Variants in CD2AP observed in about 807,000 individuals in gnomAD.
The protein encoded by CD2AP is CD2 associated protein.
Under a neutral mutation model 85.1 loss-of-function variants are expected in CD2AP, and 46 were observed. That is an observed-to-expected ratio of 0.54 (90% CI 0.43 to 0.69). The LOEUF (loss-of-function observed/expected upper bound fraction) is 0.69, where lower values mean the gene tolerates loss of function less well. Ranked by LOEUF, CD2AP falls within the 30% of genes least tolerant of loss-of-function variation. The probability of loss-of-function intolerance (pLI) is 0.00; values close to 1 mark genes in which losing one functional copy is unlikely to be tolerated. For missense variants in CD2AP, 769 were observed against 729.5 expected (o/e 1.05, Z -0.62); for synonymous variants, 255 against 252.9 (o/e 1.01, Z -0.08).
At chr6:47,528,998 TGA>T (rs1169453665) in intron 2 of CD2AP, among the ~76,000 whole-genome samples, 1 of 152,224 alleles carries the variant, frequency 6.6e-6, no homozygotes, top group East Asian at 1.9e-4. Flanking sequence ...TGGCAACATC[TGA>T]GCAGTTGCCC....
At chr6:47,495,696 T>A (rs1251678651) in intron 1 of CD2AP, among the ~76,000 whole-genome samples, 1 of 152,204 alleles carries the variant, frequency 6.6e-6, no homozygotes, top group Non-Finnish European at 1.5e-5. Flanking sequence ...ATTAAATGAT[T>A]TTCAGTTGGT....
In CD2AP at chr6:47,478,941, C is replaced by G. The variant is rs558062876; in HGVS notation, c.4+693C>G. Among the ~76,000 whole-genome samples the G allele has an allele frequency of 6.6e-5, 10 of 152,140 alleles. No homozygotes were observed. In the South Asian group the frequency reaches 8.3e-4, roughly 13 times the overall value. ...GCCGGAGGAGAGAAAAATACAAGGC[C>G]TTATATGTTATTTACTATGTGCTTT... On this transcript the variant is annotated intron_variant, in intron 1 of 17. Coordinates refer to ENST00000359314, the MANE Select transcript of CD2AP (RefSeq NM_012120.3).
chr6:47,492,407 CA>C (rs1765759284), intron 1 of CD2AP, among the ~76,000 whole-genome samples: 3 of 132,040 alleles, frequency 2.3e-5, no homozygotes, highest in Non-Finnish European at 3.1e-5. Flanking sequence ...GGCTGGAGTG[CA>C]AATGTGTGAT....
chr6:47,504,687 G>GAGA (rs10676828), intron 2 of CD2AP, among the ~76,000 whole-genome samples: 40,776 of 151,886 alleles, frequency 0.27, 5,635 homozygotes, highest in African/African-American at 0.32. Context: ...GGGTACCTTG[G>GAGA]AGATACTGCA....
At chr6:47,579,531 A>G (rs370145728) in intron 9 of CD2AP, 42 bp downstream of exon 9, 7 of 1,250,466 alleles carry the variant, frequency 5.6e-6, no homozygotes, top group Non-Finnish European at 7.0e-6. Context: ...TTGAAAGAAC[A>G]TTTTGCCACT....
chr6:47,536,769 G>A (rs2114030993), intron 3 of CD2AP, among the ~76,000 whole-genome samples: 1 of 152,262 alleles, frequency 6.6e-6, no homozygotes, highest in Admixed American at 6.5e-5. Flanking sequence ...ATTTCTCAAA[G>A]CAAAAACAGG....
intron 17 of CD2AP, among the ~76,000 whole-genome samples, chr6:47,623,051 G>A (rs752753839): frequency 2.6e-5 from 4 of 152,130 alleles, no homozygotes; most frequent in East Asian, 1.9e-4. Context: ...GAAAGCTATC[G>A]TCTCAATCCA....
intron 17 of CD2AP, among the ~76,000 whole-genome samples, chr6:47,620,721 C>T (rs574481335): frequency 6.6e-6 from 1 of 152,248 alleles, no homozygotes; most frequent in South Asian, 2.1e-4. Context: ...TGATTTCTTT[C>T]AGCAGTGTTT....
chr6:47,613,170 G>A (rs1370132223), intron 17 of CD2AP, among the ~76,000 whole-genome samples: 1 of 152,126 alleles, frequency 6.6e-6, no homozygotes, highest in Non-Finnish European at 1.5e-5. Context: ...ATCCCTGGGA[G>A]TTGGAATCAT....
intron 2 of CD2AP, among the ~76,000 whole-genome samples, chr6:47,503,940 A>G (rs1766062995): frequency 6.6e-6 from 1 of 152,184 alleles, no homozygotes. Flanking sequence ...TTCTCATTAT[A>G]TTTTGTTGCT....
rs774798567 is a variant in CD2AP at position 47,574,179 on chromosome 6, T to C, written c.657T>C (p.Ile219=). 1.9e-6 allele frequency: 3 copies of C among 1,614,102 alleles called. No individual in the cohort carries two copies. The highest frequency in any genetic ancestry group is 1.7e-6 in the Non-Finnish European group (2 of 1,179,982). The part of the protein sequence containing the change: ...KKIRGIGFGD[I]FKEGSVKLRT... ...TTCGAGGAATTGGATTTGGAGACAT[T>C]TTTAAAGAAGGCTCTGTGAAACTTC... Residue 219 remains isoleucine (I), a synonymous_variant, in exon 6 of 18, where the codon ATT becomes ATC. Transcript: ENST00000359314.
intron 5 of CD2AP, among the ~76,000 whole-genome samples, chr6:47,568,962 G>T (rs530183155): frequency 8.5e-5 from 13 of 152,244 alleles, no homozygotes; most frequent in Middle Eastern, 3.4e-3. Flanking sequence ...CAAGGGAGGA[G>T]AGTTATTCAG....
chr6:47,521,556 A>G (rs1424823568), intron 2 of CD2AP, among the ~76,000 whole-genome samples: 1 of 152,170 alleles, frequency 6.6e-6, no homozygotes, highest in Non-Finnish European at 1.5e-5. Context: ...CGTCTCAAAA[A>G]AGAAATGGCA....
chr6:47,493,441 T>C (rs1022149937), intron 1 of CD2AP, among the ~76,000 whole-genome samples: 2 of 151,962 alleles, frequency 1.3e-5, no homozygotes, highest in African/African-American at 4.8e-5. Flanking sequence ...GTAATTCTTA[T>C]CCTTGTTCCT....
intron 2 of CD2AP, among the ~76,000 whole-genome samples, chr6:47,519,429 C>G (rs766787969): frequency 3.9e-5 from 6 of 152,196 alleles, no homozygotes; most frequent in Non-Finnish European, 8.8e-5. Flanking sequence ...GGCATTGTGA[C>G]AGGAGTACGG....
At chr6:47,545,268 G>C (rs1474949771) in intron 4 of CD2AP, 2 of 155,180 alleles carry the variant, frequency 1.3e-5, no homozygotes, top group African/African-American at 4.8e-5. Context: ...GGAAAGCCGA[G>C]AGAACCCACA....
At chr6:47,551,305 C>T (rs907581888) in intron 4 of CD2AP, among the ~76,000 whole-genome samples, 4 of 151,940 alleles carry the variant, frequency 2.6e-5, no homozygotes, top group African/African-American at 9.7e-5. Flanking sequence ...GTTTTGATAC[C>T]ATGTATTATA....
intron 5 of CD2AP, among the ~76,000 whole-genome samples, chr6:47,558,883 G>A (rs996695036): frequency 3.3e-5 from 5 of 152,152 alleles, no homozygotes; most frequent in Non-Finnish European, 7.3e-5. Flanking sequence ...GTTTGGAATA[G>A]TTTCAGAAGG....
intron 1 of CD2AP, among the ~76,000 whole-genome samples, chr6:47,501,353 G>A (rs1022146959): frequency 3.9e-5 from 6 of 152,212 alleles, no homozygotes; most frequent in Admixed American, 3.3e-4. Flanking sequence ...CTCTTTGGCA[G>A]TTAGATATCC....
Sources: allele counts gnomAD v4.1 joint callset (sites outside exome capture counted in the v4.1 genomes callset), GRCh38; gene constraint gnomAD v4.1.1; transcripts MANE v1.5; gene names NCBI Gene and HGNC (gene_info 2026-07-23, HGNC 2026-07-21).